VAV2: variants seen among roughly 807,000 people sequenced by gnomAD.
VAV2 encodes the protein vav guanine nucleotide exchange factor 2.
In VAV2, 67 loss-of-function variants were observed where a neutral mutation model predicts 132.5. That is an observed-to-expected ratio of 0.51 (90% CI 0.42 to 0.62). The LOEUF is 0.62. Among genes scored for constraint, VAV2 ranks in the 20% least tolerant of loss-of-function variants. The probability of loss-of-function intolerance (pLI) is 0.00; values close to 1 mark genes in which losing one functional copy is unlikely to be tolerated. For synonymous variants in VAV2, 492 were observed against 443.5 expected (o/e 1.11, Z -1.37); for missense variants, 938 against 1,153.6 (o/e 0.81, Z 2.71).
At chr9:133,868,596 C>T (rs892324349) in intron 2 of VAV2, among the ~76,000 whole-genome samples, 1 of 152,256 alleles carries the variant, frequency 6.6e-6, no homozygotes, top group Non-Finnish European at 1.5e-5. Context: ...CTCCATCCTC[C>T]ACTTGCTCGA....
At chr9:133,846,843 T>A (rs1470834509) in intron 3 of VAV2, among the ~76,000 whole-genome samples, 2 of 152,220 alleles carry the variant, frequency 1.3e-5, no homozygotes, top group East Asian at 3.9e-4. Context: ...AGGGAGCGAC[T>A]TGTCCGCCCC....
intron 4 of VAV2, among the ~76,000 whole-genome samples, chr9:133,828,814 C>A (rs1033526471): frequency 6.6e-6 from 1 of 152,224 alleles, no homozygotes; most frequent in African/African-American, 2.4e-5. Context: ...ATGGGGAGCC[C>A]CACCTTGCCC....
At chr9:133,900,038 A>G (rs1166595504) in intron 2 of VAV2, among the ~76,000 whole-genome samples, 1 of 150,392 alleles carries the variant, frequency 6.6e-6, no homozygotes, top group African/African-American at 2.4e-5. Flanking sequence ...ATAAATAAAT[A>G]AATAAATAAA....
At chr9:133,844,850 C>T (rs1836866817) in intron 3 of VAV2, among the ~76,000 whole-genome samples, 1 of 152,272 alleles carries the variant, frequency 6.6e-6, no homozygotes, top group Non-Finnish European at 1.5e-5. Context: ...AGCTTCCAGA[C>T]TCCAGGCCTG....
At chr9:133,869,211 A>G (rs75403024) in intron 2 of VAV2, among the ~76,000 whole-genome samples, 5,731 of 152,064 alleles carry the variant, frequency 0.038, 214 homozygotes, top group African/African-American at 0.094. Flanking sequence ...TGGCCAGGCT[A>G]GTCTAACCTC....
In VAV2 at chr9:133,843,716, C is replaced by T. The variant is rs543349559; in HGVS notation, c.381-9376G>A. On this transcript the variant is annotated intron_variant, in intron 3 of 29. Coordinates refer to ENST00000371850, the MANE Select transcript of VAV2 (RefSeq NM_001134398.2). ...GGTTTAGGGGCTGGAGCAGGCAGCC[C>T]GGGCAGGGGGTAGATGAAGACTCAA... Among the ~76,000 whole-genome samples the T allele has an allele frequency of 1.9e-4, 29 of 152,256 alleles. No homozygotes were observed. In the East Asian group the frequency reaches 5.4e-3, roughly 28 times the overall value.
intron 2 of VAV2, among the ~76,000 whole-genome samples, chr9:133,933,757 A>AATGGATGGGTGGATGGGTGG (rs1840781539): frequency 1.2e-5 from 1 of 80,954 alleles, no homozygotes; most frequent in African/African-American, 4.4e-5. Context: ...TGGATGGATG[A>AATGGATGGGTGGATGGGTGG]ATGGATGGGT....
intron 2 of VAV2, among the ~76,000 whole-genome samples, chr9:133,889,577 C>T (rs1838849065): frequency 6.6e-6 from 1 of 152,142 alleles, no homozygotes; most frequent in South Asian, 2.1e-4. Flanking sequence ...GTGGGCAGCC[C>T]ACAGCTCCGC....
At chr9:133,819,026 T>C (rs978584215) in intron 4 of VAV2, among the ~76,000 whole-genome samples, 2 of 151,798 alleles carry the variant, frequency 1.3e-5, no homozygotes, top group Admixed American at 6.6e-5. Flanking sequence ...ATTACAGGCA[T>C]GAGCCACTGT....
intron 1 of VAV2, among the ~76,000 whole-genome samples, chr9:133,940,934 A>T (rs1200882982): frequency 6.6e-6 from 1 of 152,100 alleles, no homozygotes; most frequent in Non-Finnish European, 1.5e-5. Flanking sequence ...AAGAAAAAAA[A>T]AAAAAAACTG....
At chr9:133,987,261 T>C (rs921923415) in intron 1 of VAV2, among the ~76,000 whole-genome samples, 11 of 152,142 alleles carry the variant, frequency 7.2e-5, no homozygotes, top group African/African-American at 2.7e-4. Context: ...TATCGTGTGA[T>C]GAAACAAAGA....
intron 26 of VAV2, 79 bp downstream of exon 26, chr9:133,771,880 G>C: frequency 7.5e-7 from 1 of 1,331,018 alleles, no homozygotes; most frequent in Non-Finnish European, 1.1e-6. Context: ...AGAAAACATG[G>C]CCACTCGCTC....
At chr9:133,888,120 TC>T (rs1211966451) in intron 2 of VAV2, among the ~76,000 whole-genome samples, 1 of 151,888 alleles carries the variant, frequency 6.6e-6, no homozygotes, top group East Asian at 1.9e-4. Flanking sequence ...CTACAGGAGG[TC>T]CCCGCAGGAC....
chr9:133,839,999 G>A (rs1047520136), intron 3 of VAV2, among the ~76,000 whole-genome samples: 1 of 151,020 alleles, frequency 6.6e-6, no homozygotes. Flanking sequence ...CCCCGCCCCC[G>A]AGGCCATCTT....
chr9:133,798,781 G>C lies in VAV2; in HGVS notation c.837-972C>G, dbSNP rs367646219. Among the ~76,000 whole-genome samples the C allele has an allele frequency of 2.8e-3, 431 of 152,312 alleles. 1 individual carries two copies. Among genetic ancestry groups the C allele is most frequent in the Middle Eastern group, 6.8e-3 (2 of 294 alleles). ...ACTTTTTTGCCCATTTGTAAAGATG[G>C]GGGTGATTAGCCCCACTCTTCAGGC... On this transcript the variant is annotated intron_variant, in intron 9 of 29. Transcript: ENST00000371850.
chr9:133,888,254 T>C (rs1838793298), intron 2 of VAV2, among the ~76,000 whole-genome samples: 1 of 152,188 alleles, frequency 6.6e-6, no homozygotes, highest in South Asian at 2.1e-4. Context: ...CCTGGGCGGA[T>C]GAAGCAGTTC....
intron 29 of VAV2, among the ~76,000 whole-genome samples, chr9:133,766,281 C>T (rs1486804303): frequency 3.3e-5 from 5 of 152,206 alleles, no homozygotes; most frequent in African/African-American, 1.2e-4. Context: ...ACAGTCCCAT[C>T]AACAGTGTAA....
chr9:133,844,126 G>A (rs567425774), intron 3 of VAV2, among the ~76,000 whole-genome samples: 4 of 152,210 alleles, frequency 2.6e-5, no homozygotes, highest in African/African-American at 4.8e-5. Flanking sequence ...AGAAATGCTC[G>A]GTCCCCTGCC....
intron 29 of VAV2, among the ~76,000 whole-genome samples, chr9:133,765,116 C>G (rs1833390522): frequency 6.6e-6 from 1 of 151,984 alleles, no homozygotes. Flanking sequence ...CAGTAGAATG[C>G]CAACTAATAT....
Sources: gnomAD v4.1 joint callset for allele counts (sites outside exome capture counted in the v4.1 genomes callset) on GRCh38, gnomAD v4.1.1 for gene constraint, MANE v1.5 for transcripts, NCBI Gene and HGNC (gene_info 2026-07-23, HGNC 2026-07-21) for gene names.